RNF17: variants seen among roughly 807,000 people sequenced by gnomAD.
RNF17 encodes the protein ring finger protein 17, also known as spermatogenesis associated 23.
RNF17 carries 31 observed loss-of-function variants against 200.5 expected under a neutral mutation model. The observed-to-expected ratio is 0.15, with a 90% confidence interval of 0.12 to 0.21. RNF17 has a LOEUF of 0.21. RNF17 is among the 10% of genes least tolerant of loss of function. The pLI, the probability that RNF17 is intolerant of heterozygous loss-of-function variation, is 1.00. For synonymous variants in RNF17, 606 were observed against 637.8 expected (o/e 0.95, Z 0.75); for missense variants, 1,628 against 1,905.1 (o/e 0.85, Z 2.71).
At chr13:24,777,478 G>A (rs1881732147) in intron 3 of RNF17, among the ~76,000 whole-genome samples, 1 of 151,970 alleles carries the variant, frequency 6.6e-6, no homozygotes, top group Non-Finnish European at 1.5e-5. Flanking sequence ...GACCAGCCTG[G>A]GCAACACAGT....
chr13:24,830,622 T>C, intron 17 of RNF17, 23 bp downstream of exon 17: 1 of 1,423,240 alleles, frequency 7.0e-7, no homozygotes, highest in Non-Finnish European at 9.9e-7. Flanking sequence ...TTATGAATTC[T>C]AGGGCTAGAA....
rs1409072227 is a variant in RNF17 at position 24,877,193 on chromosome 13, G to A, written c.4773+7G>A. On this transcript the variant is annotated splice_region_variant and intron_variant, in intron 34 of 35. Transcript: ENST00000255324. ...ACTCTATGCTGTGTCCATGGTAAGT[G>A]TCTCAAGTAGCCAAAATTATTGTAA... is the stretch of plus-strand genomic sequence containing the variant. 5 of 1,601,092 alleles carry A rather than the reference G, an allele frequency of 3.1e-6. No homozygotes were observed. In the African/African-American group the frequency reaches 5.4e-5, roughly 17 times the overall value.
At chr13:24,783,837 G>A (rs1053806789) in intron 6 of RNF17, among the ~76,000 whole-genome samples, 1 of 152,146 alleles carries the variant, frequency 6.6e-6, no homozygotes, top group African/African-American at 2.4e-5. Context: ...ACAAAAAGAT[G>A]ATTTTACTTC....
chr13:24,789,868 G>A, intron 9 of RNF17, 96 bp downstream of exon 9: 1 of 771,668 alleles, frequency 1.3e-6, no homozygotes, highest in African/African-American at 1.7e-5. Context: ...TAATTCAAAA[G>A]CTGAAAAATA....
chr13:24,885,686 T>C, the RNF17 span: 31 of 1,590,988 alleles, frequency 1.9e-5, no homozygotes, highest in Non-Finnish European at 2.6e-5. Context: ...AGAATAAAAT[T>C]GTCAAGAGTT....
chr13:24,805,881 A>T (rs35054348), intron 15 of RNF17, among the ~76,000 whole-genome samples: 1 of 151,474 alleles, frequency 6.6e-6, no homozygotes. Context: ...TTTCTTTTTT[A>T]AATAACATTC....
Position 24,800,706 on chromosome 13 carries a change from T to C in RNF17, c.1758+172T>C, listed in dbSNP as rs570081658. ...AGGAAATGAACTTCGGCTTCCACAATTGAAAACATTTTTAATGGGAAATGG... is the reference window on the plus strand; with the variant it reads ...AGGAAATGAACTTCGGCTTCCACAACTGAAAACATTTTTAATGGGAAATGG... On this transcript the variant is annotated intron_variant, in intron 13 of 35. Coordinates refer to ENST00000255324, the MANE Select transcript of RNF17 (RefSeq NM_031277.3). Among the ~76,000 whole-genome samples, 3 of 152,308 alleles carry C rather than the reference T, an allele frequency of 2.0e-5. No individual in the cohort carries two copies. In the South Asian group the frequency reaches 6.2e-4, roughly 32 times the overall value.
intron 2 of RNF17, among the ~76,000 whole-genome samples, chr13:24,773,355 C>A (rs1881063291): frequency 6.6e-6 from 1 of 152,182 alleles, no homozygotes; most frequent in Non-Finnish European, 1.5e-5. Flanking sequence ...GTATACACCA[C>A]AGAATACTAT....
chr13:24,793,918 G>C (rs1201207655), intron 10 of RNF17, among the ~76,000 whole-genome samples: 1 of 151,898 alleles, frequency 6.6e-6, no homozygotes, highest in Non-Finnish European at 1.5e-5. Context: ...TCCCCTACCC[G>C]TTGTCTATTT....
chr13:24,839,006 G>A (rs1021038380), intron 18 of RNF17, among the ~76,000 whole-genome samples: 5 of 152,096 alleles, frequency 3.3e-5, no homozygotes, highest in African/African-American at 7.2e-5. Context: ...ACACAAATCA[G>A]TAGCTCTTCT....
chr13:24,846,885 A>G lies in RNF17; in HGVS notation c.3101+1806A>G, dbSNP rs74042521. Among the ~76,000 whole-genome samples the G allele has an allele frequency of 4.9e-3, 746 of 152,320 alleles. 8 individuals carry two copies. The highest frequency in any genetic ancestry group is 0.017 in the African/African-American group (713 of 41,556). ...CTAAAAGACATATACACATGCACACACTTAGGTATACATATATGTGTAGGC... is the reference window on the plus strand; with the variant it reads ...CTAAAAGACATATACACATGCACACGCTTAGGTATACATATATGTGTAGGC... On this transcript the variant is annotated intron_variant, in intron 22 of 35. Transcript: ENST00000255324.
intron 18 of RNF17, among the ~76,000 whole-genome samples, chr13:24,836,239 G>T (rs1673565115): frequency 6.6e-6 from 1 of 152,216 alleles, no homozygotes; most frequent in Non-Finnish European, 1.5e-5. Flanking sequence ...AGCCTTGCTA[G>T]AGACCTGGAC....
At chr13:24,878,444 A>T (rs1211672882) in intron 34 of RNF17, among the ~76,000 whole-genome samples, 1 of 152,242 alleles carries the variant, frequency 6.6e-6, no homozygotes, top group Non-Finnish European at 1.5e-5. Flanking sequence ...ACACAGTCAA[A>T]GGTGAAGTCC....
Position 24,844,987 on chromosome 13 carries a change from A to G in RNF17, c.3009A>G (p.Glu1003=). Residue 1003 remains glutamate, a synonymous_variant, in exon 22 of 36, where the codon GAA becomes GAG. Coordinates refer to ENST00000255324, the MANE Select transcript of RNF17 (RefSeq NM_031277.3). ...VEVLLYDVGV[E]LVVNVDCLRK... Reference sequence around the variant, plus strand: ...TCTTGCTGTATGATGTGGGTGTTGAACTAGTAGTGAATGTTGACTGTTTAA... The same window carrying G: ...TCTTGCTGTATGATGTGGGTGTTGAGCTAGTAGTGAATGTTGACTGTTTAA... 1 of 1,605,112 alleles carries G rather than the reference A, an allele frequency of 6.2e-7. No homozygotes were observed. Among genetic ancestry groups the G allele is most frequent in the South Asian group, 1.1e-5 (1 of 90,856 alleles).
chr13:24,854,853 A>G (rs926878858), intron 25 of RNF17, among the ~76,000 whole-genome samples: 2 of 152,194 alleles, frequency 1.3e-5, no homozygotes, highest in African/African-American at 4.8e-5. Context: ...GTATTATTTA[A>G]ATAACAACAT....
At chr13:24,813,070 A>C (rs1176446840) in intron 15 of RNF17, among the ~76,000 whole-genome samples, 1 of 152,146 alleles carries the variant, frequency 6.6e-6, no homozygotes, top group Non-Finnish European at 1.5e-5. Context: ...ACATCTTTAC[A>C]TGTCCTTATT....
chr13:24,850,470 G>A lies in RNF17; in HGVS notation c.3204+27G>A, dbSNP rs1891757448. ...TAACAAGTTACAAGAGATATGTGCT[G>A]ATGATCTCATTAATGTTTCCATCGA... On this transcript the variant is annotated intron_variant, in intron 23 of 35. Transcript: ENST00000255324. 3.7e-6 allele frequency: 5 copies of A among 1,337,082 alleles called. No individual in the cohort carries two copies. The East Asian group carries it at 1.2e-4, about 31-fold the overall frequency. The allele number at this position is 1,337,082 out of a possible 1,614,324, so 82.8% of individuals were successfully genotyped here. A position where few individuals can be genotyped will look rare whatever the true frequency, so the allele number is the denominator to read the frequency against.
the RNF17 span, among the ~76,000 whole-genome samples, chr13:24,758,477 A>G: frequency 6.6e-6 from 1 of 152,216 alleles, no homozygotes; most frequent in South Asian, 2.1e-4. Flanking sequence ...TATGACTGGT[A>G]TAAGAAGAAG....
At position 24,799,451 on chromosome 13, in the gene RNF17, A is replaced by G; in HGVS notation, c.1456A>G (p.Thr486Ala). Residue 486 changes from threonine (T) to alanine (A), a missense_variant, in exon 12 of 36, where the codon ACA (threonine) becomes GCA (alanine). By Grantham distance (58) the Thr-to-Ala change is moderately conservative (BLOSUM62 0). Around this residue, in one of 5 missense-constraint regions of RNF17, gnomAD observed 289 missense variants for 384.9 expected, o/e 0.75. Coordinates refer to ENST00000255324, the MANE Select transcript of RNF17 (RefSeq NM_031277.3). Reference sequence around the variant, plus strand: ...TGGAATGTGGTGTCGAGGAACTATCACAGAATTAATTCCAATAGAGGGTAG... The same window carrying G: ...TGGAATGTGGTGTCGAGGAACTATCGCAGAATTAATTCCAATAGAGGGTAG... ...KNGMWCRGTITELIPIEGRNT... is the reference protein window; with the variant it reads ...KNGMWCRGTIAELIPIEGRNT... 1 of 1,610,824 alleles carries G rather than the reference A, an allele frequency of 6.2e-7. No homozygotes were observed. Among genetic ancestry groups the G allele is most frequent in the Non-Finnish European group, 8.5e-7 (1 of 1,177,730 alleles).
Sources: allele counts gnomAD v4.1 joint callset (sites outside exome capture counted in the v4.1 genomes callset), GRCh38; gene constraint gnomAD v4.1.1; regional missense constraint gnomAD v4.1.1; transcripts MANE v1.5; gene names NCBI Gene and HGNC (gene_info 2026-07-23, HGNC 2026-07-21).